Variants in TMX2 observed in about 807,000 individuals in gnomAD.
TMX2 encodes thioredoxin related transmembrane protein 2.
In TMX2, 20 loss-of-function variants were observed where a neutral mutation model predicts 33.4. That is an observed-to-expected ratio of 0.60 (90% CI 0.42 to 0.87). The LOEUF (loss-of-function observed/expected upper bound fraction) is 0.87. TMX2 is among the 40% of genes least tolerant of loss of function. The pLI is 0.00. For synonymous variants in TMX2, 166 were observed against 140.7 expected (o/e 1.18, Z -1.27); for missense variants, 340 against 370.7 (o/e 0.92, Z 0.68).
intron 1 of TMX2, among the ~76,000 whole-genome samples, chr11:57,722,905 G>A (rs1357464704): frequency 6.6e-6 from 1 of 152,126 alleles, no homozygotes; most frequent in Non-Finnish European, 1.5e-5. Flanking sequence ...CTGAACTCAG[G>A]AGTTCGGGAC....
chr11:57,729,274 GAA>G (rs1054077367), intron 1 of TMX2, among the ~76,000 whole-genome samples: 56 of 152,088 alleles, frequency 3.7e-4, no homozygotes, highest in African/African-American at 1.3e-3. Context: ...TTTGCATTAA[GAA>G]AAAAGAGTCC....
chr11:57,726,031 C>T (rs1947956021), intron 1 of TMX2, among the ~76,000 whole-genome samples: 1 of 152,052 alleles, frequency 6.6e-6, no homozygotes, highest in Admixed American at 6.6e-5. Flanking sequence ...TAAATTATTT[C>T]TCAGAATGAT....
chr11:57,724,712 T>A (rs1590933208), intron 1 of TMX2, among the ~76,000 whole-genome samples: 1 of 152,096 alleles, frequency 6.6e-6, no homozygotes, highest in Non-Finnish European at 1.5e-5. Context: ...TCTAAGGTAG[T>A]TGTAACCCCT....
At chr11:57,729,370 A>AT (rs1948209544) in intron 1 of TMX2, among the ~76,000 whole-genome samples, 1 of 152,100 alleles carries the variant, frequency 6.6e-6, no homozygotes, top group Admixed American at 6.5e-5. Context: ...TTCGACTGAG[A>AT]TAAAAACCAC....
intron 1 of TMX2, among the ~76,000 whole-genome samples, chr11:57,719,099 A>G (rs1411973354): frequency 1.7e-5 from 2 of 119,622 alleles, no homozygotes; most frequent in African/African-American, 3.3e-5. Flanking sequence ...GCAGTGGTGC[A>G]ATCTTGGCTC....
intron 1 of TMX2, among the ~76,000 whole-genome samples, chr11:57,723,754 G>C (rs1947790540): frequency 6.6e-6 from 1 of 151,000 alleles, no homozygotes; most frequent in Admixed American, 6.6e-5. Context: ...ATTGAGCTGT[G>C]ATCACACCAC....
At chr11:57,732,806 C>A (rs965874138) in intron 1 of TMX2, among the ~76,000 whole-genome samples, 2 of 151,900 alleles carry the variant, frequency 1.3e-5, no homozygotes, top group African/African-American at 4.8e-5. Flanking sequence ...CATTGGTGAT[C>A]AGCTGAACTT....
chr11:57,718,351 C>A (rs1053488298), intron 1 of TMX2: 1 of 1,524,684 alleles, frequency 6.6e-7, no homozygotes, highest in Non-Finnish European at 9.1e-7. Flanking sequence ...CCACCTGATA[C>A]ATAAACCCTG....
At chr11:57,712,899 C>A in intron 1 of TMX2, 92 bp downstream of exon 1, 1 of 1,393,936 alleles carries the variant, frequency 7.2e-7, no homozygotes, top group Non-Finnish European at 9.9e-7. Flanking sequence ...TCTCTGAGGA[C>A]ACCTGAGGTT....
At chr11:57,737,154 C>T (rs1948798853) in intron 1 of TMX2, among the ~76,000 whole-genome samples, 2 of 152,198 alleles carry the variant, frequency 1.3e-5, no homozygotes, top group Admixed American at 6.5e-5. Flanking sequence ...GCACCGCAGG[C>T]CTGGCGCGGT....
intron 1 of TMX2, among the ~76,000 whole-genome samples, chr11:57,715,710 C>CT (rs1329360353): frequency 1.3e-4 from 19 of 151,514 alleles, no homozygotes; most frequent in Admixed American, 1.3e-3. Flanking sequence ...TCTGGTTTTC[C>CT]TAGGCAGAGG....
At chr11:57,737,100 A>G (rs773026238) in intron 1 of TMX2, among the ~76,000 whole-genome samples, 3 of 152,144 alleles carry the variant, frequency 2.0e-5, no homozygotes, top group Non-Finnish European at 4.4e-5. Context: ...GATACTGTTC[A>G]GTTGAGGAAA....
rs577131708 is a variant in TMX2 at position 57,717,191 on chromosome 11, C to T, written c.189+4384C>T. Reference sequence around the variant, plus strand: ...CTCACTTCCTAGATGGGATGGCGGCCGGGCAGAGACGCTCCTCACTTTCCA... The same window carrying T: ...CTCACTTCCTAGATGGGATGGCGGCTGGGCAGAGACGCTCCTCACTTTCCA... On this transcript the variant is annotated intron_variant, in intron 1 of 7. Transcript: ENST00000278422. Among the ~76,000 whole-genome samples, 10 of 150,932 alleles carry T rather than the reference C, an allele frequency of 6.6e-5. No individual in the cohort carries two copies. The South Asian group carries it at 8.4e-4, about 13-fold the overall frequency.
chr11:57,724,865 G>A (rs776642418), intron 1 of TMX2, among the ~76,000 whole-genome samples: 1 of 151,636 alleles, frequency 6.6e-6, no homozygotes, highest in African/African-American at 2.4e-5. Flanking sequence ...TGGTGAAACC[G>A]TGTCTCTACT....
intron 1 of TMX2, among the ~76,000 whole-genome samples, chr11:57,719,121 C>T (rs1330605821): frequency 1.4e-5 from 2 of 147,738 alleles, no homozygotes; most frequent in African/African-American, 2.5e-5. Flanking sequence ...CTGCAACCTC[C>T]ATCTCCTGGG....
chr11:57,731,624 T>C (rs1948416096), intron 1 of TMX2, among the ~76,000 whole-genome samples: 2 of 152,094 alleles, frequency 1.3e-5, no homozygotes, highest in South Asian at 4.1e-4. Context: ...TAAAATATTT[T>C]ACAGAGTTTG....
chr11:57,734,120 C>G (rs1219829203), intron 1 of TMX2, among the ~76,000 whole-genome samples: 1 of 132,016 alleles, frequency 7.6e-6, no homozygotes, highest in Non-Finnish European at 1.6e-5. Context: ...GACCGCGCCA[C>G]TGTACTCCAG....
At chr11:57,719,238 T>C (rs1214278208) in intron 1 of TMX2, among the ~76,000 whole-genome samples, 1 of 150,174 alleles carries the variant, frequency 6.7e-6, no homozygotes, top group East Asian at 2.0e-4. Context: ...GTTTTCACCA[T>C]GTTGGCCAGG....
chr11:57,727,886 T>C (rs1401476027), intron 1 of TMX2, among the ~76,000 whole-genome samples: 1 of 152,254 alleles, frequency 6.6e-6, no homozygotes, highest in African/African-American at 2.4e-5. Flanking sequence ...TGAACATTCC[T>C]TTCTGTGAAT....
Sources: allele counts gnomAD v4.1 joint callset (sites outside exome capture counted in the v4.1 genomes callset), GRCh38; gene constraint gnomAD v4.1.1; transcripts MANE v1.5; gene names NCBI Gene and HGNC (gene_info 2026-07-23, HGNC 2026-07-21).